The following PEBP4 variants were observed in gnomAD, a reference collection of about 807,000 sequenced individuals.
PEBP4 encodes phosphatidylethanolamine binding protein 4, also known as phosphatidylethanolamine-binding protein 4.
PEBP4 carries 22 observed loss-of-function variants against 23.9 expected under a neutral mutation model. The ratio of observed to expected loss-of-function variants is 0.92; its 90% CI spans 0.66 to 1.31. The LOEUF (loss-of-function observed/expected upper bound fraction) is 1.31, where lower values mean the gene tolerates loss of function less well. Among genes scored for constraint, PEBP4 ranks in the 40% most tolerant of loss-of-function variants. The pLI is 0.00. For missense variants in PEBP4, 324 were observed against 281.7 expected, an observed-to-expected ratio of 1.15 and a Z score of -1.07; for synonymous variants, 112 against 99.3, an observed-to-expected ratio of 1.13 and a Z score of -0.76.
In PEBP4 at chr8:22,851,297, G is replaced by A. The variant is rs566195409; in HGVS notation, c.259-33562C>T. Among the ~76,000 whole-genome samples the A allele has an allele frequency of 5.3e-5, 8 of 152,270 alleles. No individual in the cohort carries two copies. In the East Asian group the frequency reaches 5.8e-4, roughly 11 times the overall value. On this transcript the variant is annotated intron_variant, in intron 3 of 6. Transcript: ENST00000256404. Reference sequence around the variant, plus strand: ...GGAACATCTGGCTTGAGTTCCAGGCGCACCAGTTATTGGGGCACTGAATGG... The same window carrying A: ...GGAACATCTGGCTTGAGTTCCAGGCACACCAGTTATTGGGGCACTGAATGG...
intron 4 of PEBP4, among the ~76,000 whole-genome samples, chr8:22,731,842 A>T (rs1421028004): frequency 6.4e-4 from 89 of 138,072 alleles, no homozygotes; most frequent in African/African-American, 2.1e-3. Context: ...TTTTTTTTTT[A>T]ATTTTTTTAT....
intron 4 of PEBP4, among the ~76,000 whole-genome samples, chr8:22,794,732 TTA>T (rs1806208196): frequency 6.6e-6 from 1 of 152,188 alleles, no homozygotes; most frequent in Non-Finnish European, 1.5e-5. Context: ...TTTGAAGGTT[TTA>T]TGAGCTCAGA....
At chr8:22,918,509 T>G (rs547780218) in intron 3 of PEBP4, among the ~76,000 whole-genome samples, 1 of 152,282 alleles carries the variant, frequency 6.6e-6, no homozygotes, top group East Asian at 1.9e-4. Flanking sequence ...AACCAAAGAC[T>G]TTCCCAACAG....
chr8:22,776,668 T>C (rs1165544676), intron 4 of PEBP4, among the ~76,000 whole-genome samples: 1 of 151,734 alleles, frequency 6.6e-6, no homozygotes, highest in African/African-American at 2.4e-5. Context: ...CCATCTCTAC[T>C]TTCACCATCT....
intron 4 of PEBP4, among the ~76,000 whole-genome samples, chr8:22,781,602 G>A (rs1805916653): frequency 6.6e-6 from 1 of 152,234 alleles, no homozygotes; most frequent in African/African-American, 2.4e-5. Context: ...GGGGGTAGGA[G>A]TTCCCTCCCC....
At chr8:22,794,617 G>A (rs1488397390) in intron 4 of PEBP4, among the ~76,000 whole-genome samples, 2 of 152,192 alleles carry the variant, frequency 1.3e-5, no homozygotes, top group African/African-American at 4.8e-5. Flanking sequence ...TGATTTGTAA[G>A]TGCGTTACGT....
At chr8:22,846,970 T>C (rs530896908) in intron 3 of PEBP4, among the ~76,000 whole-genome samples, 2 of 152,044 alleles carry the variant, frequency 1.3e-5, no homozygotes, top group African/African-American at 2.4e-5. Context: ...GAAACCAGCC[T>C]GGGCAACGCA....
At chr8:22,813,447 T>C (rs1048627795) in intron 4 of PEBP4, among the ~76,000 whole-genome samples, 3 of 152,208 alleles carry the variant, frequency 2.0e-5, no homozygotes, top group Non-Finnish European at 4.4e-5. Flanking sequence ...AGTATTAATA[T>C]ACCATCTTCC....
intron 3 of PEBP4, among the ~76,000 whole-genome samples, chr8:22,867,401 G>A (rs1234411693): frequency 2.6e-5 from 4 of 152,110 alleles, no homozygotes; most frequent in South Asian, 2.1e-4. Context: ...CGAAGATGTC[G>A]TGTCAATAAC....
intron 3 of PEBP4, among the ~76,000 whole-genome samples, chr8:22,843,895 C>T (rs1000751226): frequency 2.6e-5 from 4 of 152,218 alleles, no homozygotes; most frequent in Non-Finnish European, 4.4e-5. Context: ...CCTCTGACGG[C>T]TCTGAAGCAA....
intron 3 of PEBP4, among the ~76,000 whole-genome samples, chr8:22,876,490 G>A (rs1808124064): frequency 6.6e-6 from 1 of 152,208 alleles, no homozygotes; most frequent in Non-Finnish European, 1.5e-5. Context: ...CATTCCAGGA[G>A]AGGGTTGGCA....
chr8:22,870,718 CA>C (rs1356456203), intron 3 of PEBP4, among the ~76,000 whole-genome samples: 1 of 152,100 alleles, frequency 6.6e-6, no homozygotes, highest in African/African-American at 2.4e-5. Flanking sequence ...GAACTTTCTG[CA>C]GCTTCTGCTC....
intron 3 of PEBP4, among the ~76,000 whole-genome samples, chr8:22,823,008 A>G (rs1699826347): frequency 6.6e-6 from 1 of 152,084 alleles, no homozygotes; most frequent in South Asian, 2.1e-4. Flanking sequence ...TATCCAAGGC[A>G]ATATTGAAAA....
intron 6 of PEBP4, among the ~76,000 whole-genome samples, chr8:22,720,342 C>G (rs1046664422): frequency 6.6e-6 from 1 of 152,144 alleles, no homozygotes; most frequent in African/African-American, 2.4e-5. Flanking sequence ...TGATGGAGGG[C>G]CAGCAGCCGG....
intron 3 of PEBP4, among the ~76,000 whole-genome samples, chr8:22,916,622 C>T (rs1489825819): frequency 6.6e-6 from 1 of 152,228 alleles, no homozygotes; most frequent in African/African-American, 2.4e-5. Flanking sequence ...ATAGCTCACA[C>T]TCCAGGAGAT....
At chr8:22,714,477 C>T (rs977588379) in intron 6 of PEBP4, among the ~76,000 whole-genome samples, 4 of 151,830 alleles carry the variant, frequency 2.6e-5, no homozygotes, top group Non-Finnish European at 5.9e-5. Context: ...AGCATCCTTA[C>T]ATGAATTTTT....
chr8:22,766,393 A>G (rs1166290044), intron 4 of PEBP4, among the ~76,000 whole-genome samples: 1 of 152,230 alleles, frequency 6.6e-6, no homozygotes, highest in Admixed American at 6.5e-5. Flanking sequence ...TGGCGATAAC[A>G]TAACCCTCTG....
chr8:22,714,815 G>A (rs183081361), intron 6 of PEBP4, among the ~76,000 whole-genome samples: 3 of 152,220 alleles, frequency 2.0e-5, no homozygotes, highest in Admixed American at 1.3e-4. Context: ...CCATTGAAGC[G>A]TTGCTGCCTC....
intron 3 of PEBP4, among the ~76,000 whole-genome samples, chr8:22,901,989 G>A (rs894440443): frequency 6.6e-6 from 1 of 152,148 alleles, no homozygotes; most frequent in Non-Finnish European, 1.5e-5. Flanking sequence ...CCCCAAGTGC[G>A]GCTTTACTGC....
Sources: gnomAD v4.1 joint callset for allele counts (sites outside exome capture counted in the v4.1 genomes callset) on GRCh38, gnomAD v4.1.1 for gene constraint, MANE v1.5 for transcripts, NCBI Gene and HGNC (gene_info 2026-07-23, HGNC 2026-07-21) for gene names.